Variants in ST6GAL1 observed in about 807,000 individuals in gnomAD.
ST6GAL1 encodes the protein ST6 beta-galactoside alpha-2,6-sialyltransferase 1, also known as beta-galactoside alpha-2,6-sialyltransferase 1.
In ST6GAL1, 20 loss-of-function variants were observed where a neutral mutation model predicts 38.0. That is an observed-to-expected ratio of 0.53 (90% CI 0.37 to 0.77). The LOEUF is 0.77. ST6GAL1 is among the 30% of genes least tolerant of loss of function. The pLI is 0.00. For missense variants in ST6GAL1, 432 were observed against 496.4 expected, an observed-to-expected ratio of 0.87 and a Z score of 1.23; for synonymous variants, 196 against 188.2, an observed-to-expected ratio of 1.04 and a Z score of -0.34.
chr3:187,006,349 T>C (rs1271800960), intron 2 of ST6GAL1: 1 of 152,188 alleles, frequency 6.6e-6, no homozygotes, highest in Non-Finnish European at 1.5e-5. Flanking sequence ...ACTTCTCAGA[T>C]CTACACAGAA....
chr3:187,032,865 T>C (rs1717800410), intron 2 of ST6GAL1, among the ~76,000 whole-genome samples: 1 of 152,120 alleles, frequency 6.6e-6, no homozygotes, highest in Non-Finnish European at 1.5e-5. Context: ...CCTGCCTTCC[T>C]CCTGGTCATG....
chr3:187,068,776 T>C (rs968685060), intron 5 of ST6GAL1, among the ~76,000 whole-genome samples: 1 of 152,238 alleles, frequency 6.6e-6, no homozygotes, highest in Non-Finnish European at 1.5e-5. Flanking sequence ...CATGAGTATG[T>C]ATATATCACC....
intron 1 of ST6GAL1, among the ~76,000 whole-genome samples, chr3:186,943,483 G>T (rs12494144): frequency 0.18 from 27,947 of 151,850 alleles, 2,807 homozygotes; most frequent in East Asian, 0.33. Context: ...ACGGAGTCTC[G>T]CTCTTGCTCA....
chr3:186,993,510 C>A (rs1457107588), intron 2 of ST6GAL1, among the ~76,000 whole-genome samples: 1 of 152,154 alleles, frequency 6.6e-6, no homozygotes, highest in Non-Finnish European at 1.5e-5. Context: ...CTTGGCATCA[C>A]GGGGTGCAGT....
rs2108607310 is a variant in ST6GAL1, at chr3:187,075,812, T to C, written c.*9T>C. 1 of 1,613,384 alleles carries C rather than the reference T, an allele frequency of 6.2e-7. No individual in the cohort carries two copies. The highest frequency in any genetic ancestry group is 1.1e-5 in the South Asian group (1 of 91,070). The stretch of plus-strand genomic sequence containing the variant: ...GGACCATTCACTGCTAAGCACAGGC[T>C]CCTCACTCTTCTCCATCAGGCATTA... On this transcript the variant is annotated 3_prime_UTR_variant, in exon 8 of 8. Transcript: ENST00000169298. The surrounding 1 kb of genome is among the most constrained non-coding windows in gnomAD (Gnocchi z 4.1).
intron 2 of ST6GAL1, among the ~76,000 whole-genome samples, chr3:187,002,679 G>C (rs1716660366): frequency 6.6e-6 from 1 of 152,158 alleles, no homozygotes; most frequent in Admixed American, 6.5e-5. Context: ...GTCTGTTTCT[G>C]TTTCTGGGTA....
At position 187,074,272 on chromosome 3, in the gene ST6GAL1, C is replaced by T. The variant is rs184402390; in HGVS notation, c.918C>T (p.Asp306=). The change falls in exon 7 of 8, where the codon GAC becomes GAT. Residue 306 remains aspartate (D), a synonymous_variant. Transcript: ENST00000169298. ...CCCAGATGCCTTGGGAGCTATGGGA[C>T]ATTCTTCAAGAAATCTCCCCAGAAG... ...LKPQMPWELW[D]ILQEISPEEI... 4.9e-4 allele frequency: 787 copies of T among 1,611,430 alleles called. 1 individual carries two copies. The highest frequency in any genetic ancestry group is 7.9e-4 in the South Asian group (71 of 90,078).
chr3:186,947,169 T>C (rs979394025), intron 1 of ST6GAL1, among the ~76,000 whole-genome samples: 1 of 152,092 alleles, frequency 6.6e-6, no homozygotes, highest in Non-Finnish European at 1.5e-5. Context: ...CACAGCACAC[T>C]AGATACTACA....
At chr3:187,051,539 A>G in intron 5 of ST6GAL1, 193 bp downstream of exon 5, 1 of 553,848 alleles carries the variant, frequency 1.8e-6, no homozygotes. Flanking sequence ...TTAAAGAAAA[A>G]CCCTTTAGTA....
At chr3:186,972,169 T>C (rs1019828329) in intron 2 of ST6GAL1, among the ~76,000 whole-genome samples, 5 of 152,164 alleles carry the variant, frequency 3.3e-5, no homozygotes, top group Admixed American at 6.5e-5. Flanking sequence ...AGCTAGTAAG[T>C]TGGAATTTGA....
At chr3:187,015,434 G>T (rs557896793) in intron 2 of ST6GAL1, among the ~76,000 whole-genome samples, 15 of 152,284 alleles carry the variant, frequency 9.9e-5, no homozygotes, top group African/African-American at 3.4e-4. Flanking sequence ...TCTGGGCTTG[G>T]GACCTTGCAC....
chr3:187,029,640 A>G (rs1717669794), intron 2 of ST6GAL1, among the ~76,000 whole-genome samples: 1 of 152,224 alleles, frequency 6.6e-6, no homozygotes. Flanking sequence ...CCTGGCAGTT[A>G]GGGATCGCGA....
intron 1 of ST6GAL1, among the ~76,000 whole-genome samples, chr3:186,944,729 G>A (rs769268076): frequency 3.3e-5 from 5 of 152,164 alleles, no homozygotes; most frequent in Non-Finnish European, 5.9e-5. Context: ...AAAAGATAAC[G>A]CACTTAAATC....
intron 2 of ST6GAL1, among the ~76,000 whole-genome samples, chr3:186,970,466 G>A (rs1014680162): frequency 6.1e-4 from 92 of 150,626 alleles, no homozygotes; most frequent in Non-Finnish European, 2.4e-4. Flanking sequence ...CTCATGCTCC[G>A]CCTGCCTCAG....
intron 2 of ST6GAL1, among the ~76,000 whole-genome samples, chr3:187,022,960 AG>A (rs796164001): frequency 2.0e-5 from 3 of 152,284 alleles, no homozygotes; most frequent in East Asian, 3.9e-4. Context: ...ATTGTCATAA[AG>A]GGTCTGTTTG....
chr3:186,979,017 T>C (rs947164158), intron 2 of ST6GAL1, among the ~76,000 whole-genome samples: 1 of 152,090 alleles, frequency 6.6e-6, no homozygotes, highest in Non-Finnish European at 1.5e-5. Context: ...CCTTAGTTTT[T>C]AATGCTTTAC....
At chr3:187,069,629 A>C (rs998574921) in intron 5 of ST6GAL1, among the ~76,000 whole-genome samples, 1 of 152,154 alleles carries the variant, frequency 6.6e-6, no homozygotes, top group Non-Finnish European at 1.5e-5. Context: ...TTTTCTAAAA[A>C]CACTAATTCA....
chr3:186,981,060 AGCT>A (rs1338956431), intron 2 of ST6GAL1, among the ~76,000 whole-genome samples: 6 of 152,346 alleles, frequency 3.9e-5, no homozygotes, highest in Non-Finnish European at 5.9e-5. Context: ...GGAGTAGAGC[AGCT>A]ATGCAAAGCA....
intron 5 of ST6GAL1, among the ~76,000 whole-genome samples, chr3:187,066,062 C>G (rs1719107455): frequency 6.6e-6 from 1 of 150,512 alleles, no homozygotes; most frequent in African/African-American, 2.4e-5. Context: ...AGACAGGTAT[C>G]TGGATGGGTT....
Sources: gnomAD v4.1 joint callset for allele counts (sites outside exome capture counted in the v4.1 genomes callset) on GRCh38, gnomAD v4.1.1 for gene constraint, Gnocchi (gnomAD v3.1) non-coding constraint, MANE v1.5 for transcripts, NCBI Gene and HGNC (gene_info 2026-07-23, HGNC 2026-07-21) for gene names.